The following FHOD1 variants were observed in gnomAD, a reference collection of about 807,000 sequenced individuals.
FHOD1 encodes FH1/FH2 domain-containing protein 1.
In FHOD1, 89 loss-of-function variants were observed where a neutral mutation model predicts 111.6. The ratio of observed to expected loss-of-function variants is 0.80; its 90% confidence interval spans 0.67 to 0.95. The LOEUF is 0.95. FHOD1 is among the 40% of genes least tolerant of loss of function. The pLI, the probability that FHOD1 is intolerant of heterozygous loss-of-function variation, is 0.00. For missense variants in FHOD1, 1,446 were observed against 1,554.2 expected (o/e 0.93, Z 1.17); for synonymous variants, 618 against 639.0 (o/e 0.97, Z 0.50).
intron 17 of FHOD1, 123 bp from the exon 18 acceptor site, chr16:67,230,914 T>G: frequency 1.9e-6 from 2 of 1,066,478 alleles, no homozygotes; most frequent in Non-Finnish European, 2.7e-6. Context: ...CCAAATCTCA[T>G]AGACTAGTGC....
chr16:67,237,121 G>C lies in FHOD1; in HGVS notation c.994-7C>G. ...CCTCCAATTTCAGGGCGTTCTAGCA[G>C]AGGCGGACCAGGATGTAAGAAAGTG... On this transcript the variant is annotated splice_polypyrimidine_tract_variant and splice_region_variant and intron_variant, in intron 9 of 21. Coordinates refer to ENST00000258201, the MANE Select transcript of FHOD1 (RefSeq NM_013241.3). The surrounding 1 kb of genome is among the most constrained non-coding windows in gnomAD (Gnocchi z 5.6). 1 of 1,607,970 alleles carries C rather than the reference G, an allele frequency of 6.2e-7. No homozygotes were observed. The highest frequency in any genetic ancestry group is 8.5e-7 in the Non-Finnish European group (1 of 1,176,882).
chr16:67,239,198 C>T (rs779558097), intron 2 of FHOD1, 150 bp downstream of exon 2: 16 of 730,128 alleles, frequency 2.2e-5, no homozygotes, highest in Non-Finnish European at 3.8e-5. Context: ...TAACACTGGC[C>T]AGGCTTTAGA....
At chr16:67,232,541 AGACT>A (rs1433441879) in intron 13 of FHOD1, among the ~76,000 whole-genome samples, 1 of 150,488 alleles carries the variant, frequency 6.6e-6, no homozygotes, top group Non-Finnish European at 1.5e-5. Flanking sequence ...AAAAAAAAAA[AGACT>A]GAGGAAGGGA....
In FHOD1 at chr16:67,230,762, C is replaced by T. The variant is rs2142261392; in HGVS notation, c.2697G>A (p.Leu899=). 2 of 1,605,206 alleles carry T rather than the reference C, an allele frequency of 1.2e-6. No homozygotes were observed. Among genetic ancestry groups the T allele is most frequent in the East Asian group, 4.5e-5 (2 of 44,764 alleles). ...CCCGGCTCCGGCGCTCCAGCTGCCC[C>T]AGGTTCTCAGTCAGCTGTTCAAAGT... ...KVDFEQLTEN[L]GQLERRSRAA... Residue 899 remains leucine, a synonymous_variant, in exon 18 of 22, where the codon CTG becomes CTA. Transcript: ENST00000258201.
At chr16:67,244,144 G>A (rs1321388929) in intron 1 of FHOD1, among the ~76,000 whole-genome samples, 1 of 152,170 alleles carries the variant, frequency 6.6e-6, no homozygotes, top group Non-Finnish European at 1.5e-5. Flanking sequence ...TATCCCCACT[G>A]TCAGGAGGAG....
Position 67,231,207 on chromosome 16 carries a change from G to A in FHOD1, c.2648C>T (p.Ala883Val). Residue 883 changes from alanine to valine, a missense_variant, in exon 17 of 22, where the codon GCC becomes GTC. Physicochemically the swap from Ala to Val is moderately conservative, Grantham distance 64 (BLOSUM62 0). Coordinates refer to ENST00000258201, the MANE Select transcript of FHOD1 (RefSeq NM_013241.3). The surrounding 1 kb of genome is among the most constrained non-coding windows in gnomAD (Gnocchi z 4.3). ...ESSDLYSEIP[A>V]LTRCAKVDFE... is the part of the protein sequence containing the mutation. ...GCTAACCTTGGCACAGCGGGTCAGG[G>A]CAGGGATTTCTGAATAGAGGTCAGA... 1 of 1,614,196 alleles carries A rather than the reference G, an allele frequency of 6.2e-7. No homozygotes were observed. The highest frequency in any genetic ancestry group is 8.5e-7 in the Non-Finnish European group (1 of 1,180,016).
At chr16:67,247,103 G>C (rs1323765845) in intron 1 of FHOD1, 107 bp downstream of exon 1, 3 of 1,293,258 alleles carry the variant, frequency 2.3e-6, no homozygotes, top group Non-Finnish European at 3.1e-6. Context: ...GACTTTTCCG[G>C]AGAAGAACAC....
At chr16:67,236,432 A>G in intron 11 of FHOD1, 125 bp downstream of exon 11, 1 of 1,498,048 alleles carries the variant, frequency 6.7e-7, no homozygotes, top group Non-Finnish European at 8.9e-7. Context: ...AGTTTGGTGA[A>G]GTCTGGAAAG....
intron 1 of FHOD1, among the ~76,000 whole-genome samples, chr16:67,245,071 A>AGT (rs939130456): frequency 1.3e-5 from 2 of 152,076 alleles, no homozygotes; most frequent in African/African-American, 4.8e-5. Context: ...CTGTGGTCAT[A>AGT]GTTTATATTT....
chr16:67,238,559 C>G lies in FHOD1; in HGVS notation c.374-112G>C. On this transcript the variant is annotated intron_variant, in intron 3 of 21. Transcript: ENST00000258201. The surrounding 1 kb of genome is among the most constrained non-coding windows in gnomAD (Gnocchi z 4.2). ...AATAGTCTAATATATATGTTTTGGT[C>G]TGAGAGACAGGGTCTCACTCTGTCA... 9.1e-7 allele frequency: 1 copy of G among 1,100,076 alleles called. No homozygotes were observed. The highest frequency in any genetic ancestry group is 1.4e-6 in the Non-Finnish European group (1 of 740,168). The allele number at this position is 1,100,076 out of a possible 1,614,324, so 68.1% of individuals were successfully genotyped here. A position where few individuals can be genotyped will look rare whatever the true frequency, so the allele number is the denominator to read the frequency against.
chr16:67,232,025 C>T lies in FHOD1; in HGVS notation c.2202+14G>A. On this transcript the variant is annotated intron_variant, in intron 14 of 21. Transcript: ENST00000258201. ...CCAGACCTCCCCCCAACACCCATAGCTGGGTGACCTCACCTCAATGCCATC... is the reference window on the plus strand; with the variant it reads ...CCAGACCTCCCCCCAACACCCATAGTTGGGTGACCTCACCTCAATGCCATC... 6.2e-7 allele frequency: 1 copy of T among 1,613,900 alleles called. No homozygotes were observed. Among genetic ancestry groups the T allele is most frequent in the Non-Finnish European group, 8.5e-7 (1 of 1,179,826 alleles).
At chr16:67,230,824 C>T in intron 17 of FHOD1, 33 bp from the exon 18 acceptor site, 1 of 1,547,644 alleles carries the variant, frequency 6.5e-7, no homozygotes, top group South Asian at 1.2e-5. Flanking sequence ...ATACTGTCCC[C>T]CCACACCCTG....
Position 67,241,413 on chromosome 16 carries a change from C to T in FHOD1, c.202-1959G>A, listed in dbSNP as rs1489916221. Among the ~76,000 whole-genome samples the T allele has an allele frequency of 3.3e-5, 5 of 152,294 alleles. No individual in the cohort carries two copies. The East Asian group carries it at 9.6e-4, about 29-fold the overall frequency. ...GTGACTCAGCAGCCTACCACCCCAC[C>T]CCCATTCAGGCACAGCCGCATCTCC... On this transcript the variant is annotated intron_variant, in intron 1 of 21. Coordinates refer to ENST00000258201, the MANE Select transcript of FHOD1 (RefSeq NM_013241.3).
chr16:67,245,456 T>G (rs1171276693), intron 1 of FHOD1, among the ~76,000 whole-genome samples: 1 of 151,980 alleles, frequency 6.6e-6, no homozygotes, highest in East Asian at 1.9e-4. Flanking sequence ...GGAAGAGGTG[T>G]GTCAAGGGGC....
intron 1 of FHOD1, 81 bp from the exon 2 acceptor site, chr16:67,239,535 A>AC: frequency 1.0e-6 from 1 of 985,744 alleles, no homozygotes; most frequent in Non-Finnish European, 1.6e-6. Context: ...CTTACCTACC[A>AC]CTTGAAGGGT....
Position 67,231,093 on chromosome 16 carries a change from A to G in FHOD1, c.2667+95T>C, listed in dbSNP as rs1415476546. On this transcript the variant is annotated intron_variant, in intron 17 of 21. Transcript: ENST00000258201. This position sits in a 1 kb window ranked among gnomAD's most constrained non-coding sequence, Gnocchi z 4.3. ...AGGTGGCTGGAGCAAGCCCTGGCAC[A>G]GCAGCCCAAATGGGGAGAAGGGGGA... The G allele has an allele frequency of 2.0e-6, 3 of 1,508,326 alleles. No homozygotes were observed. Among genetic ancestry groups the G allele is most frequent in the East Asian group, 2.3e-5 (1 of 43,706 alleles). 93.4% of individuals were successfully genotyped at this position (1,508,326 alleles called of 1,614,324 possible).
chr16:67,230,545 T>G, intron 18 of FHOD1, 39 bp from the exon 19 acceptor site: 1 of 1,613,540 alleles, frequency 6.2e-7, no homozygotes, highest in Non-Finnish European at 8.5e-7. Context: ...TAAGTCCTGC[T>G]TATTGTCTGA....
In FHOD1 at chr16:67,230,658, T is replaced by A; in HGVS notation, c.2801A>T (p.Asp934Val). The A allele has an allele frequency of 6.2e-7, 1 of 1,614,034 alleles. No individual in the cohort carries two copies. The highest frequency in any genetic ancestry group is 8.5e-7 in the Non-Finnish European group (1 of 1,179,956). ...ALRARLTHFL[D>V]QCARRVAMLR... is the part of the protein sequence containing the mutation. ...CATGGCAACACGGCGGGCACACTGGTCCAGGAAGTGGGTGAGGCGGGCACG... is the reference window on the plus strand; with the variant it reads ...CATGGCAACACGGCGGGCACACTGGACCAGGAAGTGGGTGAGGCGGGCACG... The change falls in exon 18 of 22, where the codon GAC becomes GTC. Residue 934 changes from aspartate to valine, a missense_variant. Physicochemically the swap from Asp to Val is radical, Grantham distance 152. Around this residue, in one of 3 missense-constraint regions of FHOD1, gnomAD observed 1,085 missense variants for 1,108.8 expected, o/e 0.98. Transcript: ENST00000258201.
chr16:67,234,638 C>A lies in FHOD1; in HGVS notation c.1320-166G>T, dbSNP rs998909772. 5 of 584,862 alleles carry A rather than the reference C, an allele frequency of 8.5e-6. No homozygotes were observed. In the African/African-American group the frequency reaches 9.2e-5, roughly 11 times the overall value. The allele number at this position is 584,862 out of a possible 1,614,324, so 36.2% of individuals were successfully genotyped here. A position where few individuals can be genotyped will look rare whatever the true frequency, so the allele number is the denominator to read the frequency against. ...AACCACACCCCCCCCAAGGCCAGCC[C>A]CTCTTCAGTCCTCCACATCTGGGGA... is the stretch of plus-strand genomic sequence containing the variant. On this transcript the variant is annotated intron_variant, in intron 11 of 21. Transcript: ENST00000258201.
Sources: allele counts gnomAD v4.1 joint callset (sites outside exome capture counted in the v4.1 genomes callset), GRCh38; gene constraint gnomAD v4.1.1; regional missense constraint gnomAD v4.1.1; non-coding constraint Gnocchi (gnomAD v3.1); transcripts MANE v1.5; gene names NCBI Gene and HGNC (gene_info 2026-07-23, HGNC 2026-07-21).